RBFOX1: variants seen among roughly 807,000 people sequenced by gnomAD.
RBFOX1 encodes RNA binding fox-1 homolog 1, also known as RNA binding protein fox-1 homolog 1.
A neutral mutation model predicts 57.7 loss-of-function variants in RBFOX1; 8 were observed. The observed-to-expected ratio is 0.14, with a 90% CI of 0.08 to 0.25. The LOEUF is 0.25. Among genes scored for constraint, RBFOX1 ranks in the 10% least tolerant of loss-of-function variants. The probability of loss-of-function intolerance (pLI) is 1.00; values close to 1 mark genes in which losing one functional copy is unlikely to be tolerated. For synonymous variants in RBFOX1, 326 were observed against 222.4 expected, an observed-to-expected ratio of 1.47 and a Z score of -4.15; for missense variants, 611 against 548.5, an observed-to-expected ratio of 1.11 and a Z score of -1.14.
At chr16:5,650,950 T>A (rs538827089) in intron 3 of RBFOX1, among the ~76,000 whole-genome samples, 1 of 151,466 alleles carries the variant, frequency 6.6e-6, no homozygotes, top group South Asian at 2.1e-4. Flanking sequence ...CTGCCTCATT[T>A]CTCTCTTTTC....
chr16:5,564,019 A>AT (rs537646143), intron 2 of RBFOX1, among the ~76,000 whole-genome samples: 2 of 151,796 alleles, frequency 1.3e-5, no homozygotes, highest in East Asian at 1.9e-4. Context: ...TTTTTAAAAA[A>AT]TTTTTTTATT....
intron 3 of RBFOX1, among the ~76,000 whole-genome samples, chr16:6,897,988 G>A (rs1240358376): frequency 6.6e-6 from 1 of 152,066 alleles, no homozygotes; most frequent in African/African-American, 2.4e-5. Flanking sequence ...CTGTAACTCT[G>A]CTAAACTACA....
intron 2 of RBFOX1, among the ~76,000 whole-genome samples, chr16:6,559,427 G>C (rs1385966606): frequency 1.3e-5 from 2 of 152,026 alleles, no homozygotes; most frequent in Non-Finnish European, 2.9e-5. Context: ...CCACTGCTGA[G>C]ATCATCTCAG....
At chr16:7,624,729 T>A (rs928562327) in intron 10 of RBFOX1, among the ~76,000 whole-genome samples, 1 of 152,158 alleles carries the variant, frequency 6.6e-6, no homozygotes, top group African/African-American at 2.4e-5. Flanking sequence ...CTGAGTAAGC[T>A]CCTTTCCTCG....
At chr16:6,268,960 CCT>C (rs2074882066) in intron 1 of RBFOX1, among the ~76,000 whole-genome samples, 1 of 152,172 alleles carries the variant, frequency 6.6e-6, no homozygotes, top group Non-Finnish European at 1.5e-5. Context: ...TTGCATATAA[CCT>C]AAAAACATCC....
chr16:6,752,910 C>A (rs1011754852), intron 3 of RBFOX1, among the ~76,000 whole-genome samples: 1 of 151,652 alleles, frequency 6.6e-6, no homozygotes, highest in African/African-American at 2.4e-5. Flanking sequence ...TTTTATCTTC[C>A]TGTTGGCAAT....
chr16:5,304,833 A>ATT (rs74661827), intron 1 of RBFOX1, among the ~76,000 whole-genome samples: 62 of 151,828 alleles, frequency 4.1e-4, no homozygotes, highest in South Asian at 3.1e-3. Flanking sequence ...ATATAAAGTG[A>ATT]TTTTTTTCCC....
At position 6,802,326 on chromosome 16, in the gene RBFOX1, G is replaced by A. The variant is rs112166820; in HGVS notation, c.-16+147676G>A. Among the ~76,000 whole-genome samples, 394 of 152,122 alleles carry A rather than the reference G, an allele frequency of 2.6e-3. 1 individual carries two copies. Among genetic ancestry groups the A allele is most frequent in the African/African-American group, 3.5e-3 (147 of 41,494 alleles). On this transcript the variant is annotated intron_variant, in intron 3 of 15. Coordinates refer to ENST00000550418, the MANE Select transcript of RBFOX1 (RefSeq NM_018723.4). ...CACAGGGTCCTGTTGTGCTTCTCTG[G>A]GAATTTCATTGCTTGGATGTTATTT...
rs184930259 is a variant in RBFOX1 at position 6,752,930 on chromosome 16, C to T, written c.-16+98280C>T. 1.3e-4 allele frequency among the ~76,000 whole-genome samples: 19 copies of T among 151,848 alleles called. 1 individual carries two copies. The South Asian group carries it at 2.1e-3, about 17-fold the overall frequency. On this transcript the variant is annotated intron_variant, in intron 3 of 15. Transcript: ENST00000550418. ...TCTTCCTGTTGGCAATATGTTTATACGGTGTGAATATGTAATAATTGTACT... is the reference window on the plus strand; with the variant it reads ...TCTTCCTGTTGGCAATATGTTTATATGGTGTGAATATGTAATAATTGTACT...
At chr16:7,369,704 G>A (rs1165663032) in intron 4 of RBFOX1, among the ~76,000 whole-genome samples, 1 of 152,134 alleles carries the variant, frequency 6.6e-6, no homozygotes, top group Non-Finnish European at 1.5e-5. Context: ...TTGCCATGGT[G>A]TCTGATTAGC....
At chr16:6,046,544 T>A (rs1351166098) in intron 1 of RBFOX1, among the ~76,000 whole-genome samples, 2 of 152,124 alleles carry the variant, frequency 1.3e-5, no homozygotes, top group East Asian at 3.9e-4. Flanking sequence ...GCTATTCCTA[T>A]ATTCATATTA....
In RBFOX1 at chr16:7,013,059, C is replaced by T. The variant is rs563381886; in HGVS notation, c.-15-38998C>T. Among the ~76,000 whole-genome samples the T allele has an allele frequency of 2.1e-3, 321 of 152,214 alleles. 2 individuals are homozygous for T. The highest frequency in any genetic ancestry group is 1.1e-3 in the Non-Finnish European group (77 of 68,014). On this transcript the variant is annotated intron_variant, in intron 3 of 15. Coordinates refer to ENST00000550418, the MANE Select transcript of RBFOX1 (RefSeq NM_018723.4). Reference sequence around the variant, plus strand: ...TTTCTCTCCTTTTAAGGGCAGTAATCCCCTTATGAGGATCTTACTTTTATG... The same window carrying T: ...TTTCTCTCCTTTTAAGGGCAGTAATTCCCTTATGAGGATCTTACTTTTATG...
chr16:5,944,024 A>T (rs1276862491), intron 4 of RBFOX1, among the ~76,000 whole-genome samples: 1 of 149,012 alleles, frequency 6.7e-6, no homozygotes, highest in Admixed American at 6.6e-5. Flanking sequence ...CCCATCCACC[A>T]TCCATTCATC....
intron 3 of RBFOX1, among the ~76,000 whole-genome samples, chr16:6,824,983 G>GTTTTTTGTTTTTTTT (rs2091915909): frequency 2.7e-5 from 1 of 36,878 alleles, no homozygotes; most frequent in Non-Finnish European, 5.9e-5. Context: ...TTCTTTCTTG[G>GTTTTTTGTTTTTTTT]TTTTTTTTTT....
rs550134624 is a variant in RBFOX1 at position 6,098,324 on chromosome 16, G to A, written c.-127+78332G>A. ...ATGGACCCAGAATAGAAACGCCACC[G>A]CCTGCCACAAACCCCTCTCCTCTGG... On this transcript the variant is annotated intron_variant, in intron 1 of 15. Coordinates refer to ENST00000550418, the MANE Select transcript of RBFOX1 (RefSeq NM_018723.4). Among the ~76,000 whole-genome samples the A allele has an allele frequency of 1.2e-4, 18 of 152,212 alleles. No homozygotes were observed. The South Asian group carries it at 1.2e-3, about 11-fold the overall frequency.
At chr16:7,081,810 A>T (rs1274047445) in intron 4 of RBFOX1, among the ~76,000 whole-genome samples, 2 of 152,168 alleles carry the variant, frequency 1.3e-5, no homozygotes, top group Admixed American at 6.5e-5. Flanking sequence ...CAATAATAGG[A>T]TTGCTCTTAT....
chr16:7,478,443 G>A (rs1181471443), intron 4 of RBFOX1, among the ~76,000 whole-genome samples: 1 of 152,170 alleles, frequency 6.6e-6, no homozygotes, highest in African/African-American at 2.4e-5. Flanking sequence ...AGCAATCTGA[G>A]CTGCTGAAGA....
At chr16:7,161,565 G>C (rs2078329158) in intron 4 of RBFOX1, among the ~76,000 whole-genome samples, 1 of 152,076 alleles carries the variant, frequency 6.6e-6, no homozygotes, top group Admixed American at 6.5e-5. Context: ...GAAGTCCTTT[G>C]CTAAGGCTGT....
intron 3 of RBFOX1, among the ~76,000 whole-genome samples, chr16:6,766,218 C>T (rs2077309228): frequency 6.6e-6 from 1 of 151,996 alleles, no homozygotes; most frequent in African/African-American, 2.4e-5. Flanking sequence ...TCAGTCCAAC[C>T]AGAATTTGAT....
Sources: gnomAD v4.1 joint callset for allele counts (sites outside exome capture counted in the v4.1 genomes callset) on GRCh38, gnomAD v4.1.1 for gene constraint, MANE v1.5 for transcripts, NCBI Gene and HGNC (gene_info 2026-07-23, HGNC 2026-07-21) for gene names.